The following SH3TC2 variants were observed in gnomAD, a reference collection of about 807,000 sequenced individuals.
SH3TC2 encodes SH3 domain and tetratricopeptide repeats 2, also known as SH3 domain and tetratricopeptide repeat-containing protein 2.
SH3TC2 carries 87 observed loss-of-function variants against 124.5 expected under a neutral mutation model. The ratio of observed to expected loss-of-function variants is 0.70; its 90% CI spans 0.59 to 0.84. SH3TC2 has a LOEUF of 0.84. Among genes scored for constraint, SH3TC2 ranks in the 40% least tolerant of loss-of-function variants. The pLI, the probability that SH3TC2 is intolerant of heterozygous loss-of-function variation, is 0.00. For synonymous variants in SH3TC2, 634 were observed against 628.5 expected, an observed-to-expected ratio of 1.01 and a Z score of -0.13; for missense variants, 1,536 against 1,566.4, an observed-to-expected ratio of 0.98 and a Z score of 0.33.
At chr5:149,023,784 C>A (rs932001821) in intron 12 of SH3TC2, among the ~76,000 whole-genome samples, 2 of 151,994 alleles carry the variant, frequency 1.3e-5, no homozygotes, top group African/African-American at 4.8e-5. Context: ...GGGGTTTCAC[C>A]ATGTTGGCCA....
At chr5:149,009,613 CTGAA>C (rs1266456995) in intron 14 of SH3TC2, among the ~76,000 whole-genome samples, 1 of 152,134 alleles carries the variant, frequency 6.6e-6, no homozygotes, top group Non-Finnish European at 1.5e-5. Context: ...AAATGAATAT[CTGAA>C]TGAATAAAAT....
chr5:149,061,912 GA>G (rs1561776562), intron 1 of SH3TC2, among the ~76,000 whole-genome samples: 2 of 152,068 alleles, frequency 1.3e-5, no homozygotes, highest in Non-Finnish European at 2.9e-5. Context: ...CATTTGGGGG[GA>G]CACTCCCTGC....
At position 149,001,482 on chromosome 5, in the gene SH3TC2, T is replaced by A. The variant is rs1004149377; in HGVS notation, c.*3229A>T. ...TTTGGCTATGATACACTTATTTTTT[T>A]AAATGTTTAAGTAGAGACCAAATCC... is the stretch of plus-strand genomic sequence containing the variant. On this transcript the variant is annotated 3_prime_UTR_variant, in exon 17 of 17. Transcript: ENST00000515425. 7.2e-5 allele frequency: 11 copies of A among 152,182 alleles called. No homozygotes were observed. The highest frequency in any genetic ancestry group is 2.7e-4 in the African/African-American group (11 of 41,440). The allele number at this position is 152,182 out of a possible 1,614,324, so 9.4% of individuals were successfully genotyped here. A position where few individuals can be genotyped will look rare whatever the true frequency, so the allele number is the denominator to read the frequency against.
Position 148,996,075 on chromosome 5 carries a change from C to T in SH3TC2, c.*8636G>A, listed in dbSNP as rs1193986762. On this transcript the variant is annotated 3_prime_UTR_variant, in exon 17 of 17. Coordinates refer to ENST00000515425, the MANE Select transcript of SH3TC2 (RefSeq NM_024577.4). ...TGGGCAACATGGTGGAAACCCATCT[C>T]TACAAAAACTACCAAAAAAAAAAAA... is the stretch of plus-strand genomic sequence containing the variant. Among the ~76,000 whole-genome samples, 6 of 147,640 alleles carry T rather than the reference C, an allele frequency of 4.1e-5. No homozygotes were observed. Among genetic ancestry groups the T allele is most frequent in the Non-Finnish European group, 6.0e-5 (4 of 66,756 alleles).
Position 149,058,406 on chromosome 5 carries a change from ATC to A in SH3TC2, c.52+4563_52+4564del, listed in dbSNP as rs1179982738. ...CCATTCTAAGTAGGTAGGCCATTTT[ATC>A]TGATTGTTTCAATGTGCATTTCCCT... is the stretch of plus-strand genomic sequence containing the variant. On this transcript the variant is annotated intron_variant, in intron 1 of 16. Coordinates refer to ENST00000515425, the MANE Select transcript of SH3TC2 (RefSeq NM_024577.4). Among the ~76,000 whole-genome samples the A allele has an allele frequency of 2.6e-5, 4 of 152,262 alleles. No homozygotes were observed. The East Asian group carries it at 7.7e-4, about 29-fold the overall frequency.
In SH3TC2 at chr5:149,026,873, A is replaced by G. The variant is rs1034060043; in HGVS notation, c.2859T>C (p.His953=). ...GGACATACTTACTCTTTAGATGTCGATGCCTTAAGCCAAACAGCAATGCCA... is the reference window on the plus strand; with the variant it reads ...GGACATACTTACTCTTTAGATGTCGGTGCCTTAAGCCAAACAGCAATGCCA... ...YEMALLFGLR[H]RHLKSQLQAT... Residue 953 remains histidine, a synonymous_variant, in exon 11 of 17, where the codon CAT becomes CAC. Transcript: ENST00000515425. The G allele has an allele frequency of 6.2e-7, 1 of 1,614,190 alleles. No homozygotes were observed. Among genetic ancestry groups the G allele is most frequent in the Non-Finnish European group, 8.5e-7 (1 of 1,180,042 alleles).
intron 12 of SH3TC2, among the ~76,000 whole-genome samples, chr5:149,023,441 T>C (rs1053050922): frequency 3.9e-5 from 6 of 152,136 alleles, no homozygotes; most frequent in Non-Finnish European, 7.3e-5. Context: ...ATATGTATCA[T>C]ATATAAACTT....
Position 149,004,855 on chromosome 5 carries a change from C to A in SH3TC2, c.3723G>T (p.Ala1241=), listed in dbSNP as rs777895612. ...GAAGCTCCTCATCACCCAGCAGGAC[C>A]GCTGCTGCCAGGGCCAGAAGGAAGT... The part of the protein sequence containing the change: ...TEYFLLALAA[A]VLLGDEELQD... The change falls in exon 17 of 17, where the codon GCG becomes GCT. Residue 1241 remains alanine (A), a synonymous_variant. Transcript: ENST00000515425. 1.9e-6 allele frequency: 3 copies of A among 1,614,162 alleles called. No individual in the cohort carries two copies. The East Asian group carries it at 6.7e-5, about 36-fold the overall frequency.
In SH3TC2 at chr5:149,026,983, T is replaced by C. The variant is rs1232735360; in HGVS notation, c.2749A>G (p.Met917Val). 25 of 1,614,048 alleles carry C rather than the reference T, an allele frequency of 1.5e-5. No homozygotes were observed. Among genetic ancestry groups the C allele is most frequent in the Non-Finnish European group, 2.1e-5 (25 of 1,180,046 alleles). Reference protein sequence around the residue: ...CELQASKETDMELVQVFLWLA... With the variant: ...CELQASKETDVELVQVFLWLA... The stretch of plus-strand genomic sequence containing the variant: ...CAGAGAAACACCTGTACTAATTCCA[T>C]GTCTGTCTCCTTACTGGCCTGAAGT... The change falls in exon 11 of 17, where the codon ATG becomes GTG. Residue 917 changes from methionine (M) to valine (V), a missense_variant. By Grantham distance (21) the Met-to-Val change is conservative (BLOSUM62 1). Coordinates refer to ENST00000515425, the MANE Select transcript of SH3TC2 (RefSeq NM_024577.4).
chr5:149,029,137 G>A (rs368032735), intron 9 of SH3TC2, among the ~76,000 whole-genome samples: 4 of 152,322 alleles, frequency 2.6e-5, no homozygotes, highest in East Asian at 3.9e-4. Flanking sequence ...CACAGAACAC[G>A]TGGGAGCACA....
intron 7 of SH3TC2, among the ~76,000 whole-genome samples, chr5:149,039,584 T>C (rs531010589): frequency 8.5e-5 from 13 of 152,364 alleles, no homozygotes; most frequent in South Asian, 6.2e-4. Context: ...ATCTACCATG[T>C]GTTAAATATC....
Position 149,004,666 on chromosome 5 carries a change from T to C in SH3TC2, c.*45A>G, listed in dbSNP as rs1753653733. On this transcript the variant is annotated 3_prime_UTR_variant, in exon 17 of 17. Transcript: ENST00000515425. ...TATTTAAGAGCCTAGGGCAGTGGGG[T>C]CAGAGTCTGGCCATGCCAAATGTCC... The C allele has an allele frequency of 6.2e-7, 1 of 1,604,832 alleles. No homozygotes were observed. The highest frequency in any genetic ancestry group is 2.2e-5 in the East Asian group (1 of 44,726).
chr5:149,039,326 G>A (rs910290028), intron 7 of SH3TC2, among the ~76,000 whole-genome samples: 1 of 152,212 alleles, frequency 6.6e-6, no homozygotes, highest in Non-Finnish European at 1.5e-5. Flanking sequence ...CGGAGGGAGA[G>A]AGAGGGTATG....
At chr5:149,022,682 A>T (rs992523282) in intron 12 of SH3TC2, among the ~76,000 whole-genome samples, 2 of 152,260 alleles carry the variant, frequency 1.3e-5, no homozygotes, top group African/African-American at 4.8e-5. Context: ...GTAGTATATC[A>T]GTACAACAAA....
rs538467422 is a variant in SH3TC2, at chr5:149,011,083, G to C, written c.3205-691C>G. ...TGTGCTAAGGAAGTTGAAGAGTAAA[G>C]AATATACCACTGCACCTGCAGCACA... is the stretch of plus-strand genomic sequence containing the variant. On this transcript the variant is annotated intron_variant, in intron 13 of 16. Coordinates refer to ENST00000515425, the MANE Select transcript of SH3TC2 (RefSeq NM_024577.4). Among the ~76,000 whole-genome samples the C allele has an allele frequency of 2.0e-5, 3 of 152,348 alleles. No homozygotes were observed. The East Asian group carries it at 5.8e-4, about 29-fold the overall frequency.
chr5:149,036,748 T>C (rs10066549), intron 8 of SH3TC2, among the ~76,000 whole-genome samples: 4 of 152,140 alleles, frequency 2.6e-5, no homozygotes, highest in African/African-American at 9.7e-5. Flanking sequence ...CCTGGGGAGC[T>C]TTTATCAATA....
chr5:149,007,339 T>C (rs1753708210), intron 15 of SH3TC2: 1 of 604,214 alleles, frequency 1.7e-6, no homozygotes, highest in African/African-American at 1.8e-5. Context: ...TCTATAAGAG[T>C]GACTAAGTAG....
chr5:149,025,731 A>G (rs1418214860), intron 12 of SH3TC2: 2 of 152,272 alleles, frequency 1.3e-5, no homozygotes, highest in South Asian at 2.1e-4. Context: ...AAAATCTTCA[A>G]GTGATAATAA....
rs1308339429 is a variant in SH3TC2, at chr5:148,982,229, G to T, written c.*22482C>A. ...ACCTCACAACTATTAAACACTCAAA[G>T]ACAACATTAGTAACTGGCTGTGTTG... On this transcript the variant is annotated 3_prime_UTR_variant, in exon 17 of 17. Coordinates refer to ENST00000515425, the MANE Select transcript of SH3TC2 (RefSeq NM_024577.4). Among the ~76,000 whole-genome samples, 2 of 151,868 alleles carry T rather than the reference G, an allele frequency of 1.3e-5. No individual in the cohort carries two copies. Among genetic ancestry groups the T allele is most frequent in the Admixed American group, 1.3e-4 (2 of 15,236 alleles).
Sources: allele counts gnomAD v4.1 joint callset (sites outside exome capture counted in the v4.1 genomes callset), GRCh38; gene constraint gnomAD v4.1.1; transcripts MANE v1.5; gene names NCBI Gene and HGNC (gene_info 2026-07-23, HGNC 2026-07-21).